VCP: variants seen among roughly 807,000 people sequenced by gnomAD.
The protein encoded by VCP is transitional endoplasmic reticulum ATPase.
VCP carries 6 observed loss-of-function variants against 85.7 expected under a neutral mutation model. The ratio of observed to expected loss-of-function variants is 0.07; its 90% CI spans 0.04 to 0.14. The LOEUF (loss-of-function observed/expected upper bound fraction) is 0.14. VCP is among the 10% of genes least tolerant of loss of function. The pLI is 1.00. For synonymous variants in VCP, 384 were observed against 367.1 expected (o/e 1.05, Z -0.53); for missense variants, 353 against 1,043.4 (o/e 0.34, Z 9.12).
At chr9:35,065,524 C>G in intron 4 of VCP, 143 bp from the exon 5 acceptor site, 1 of 1,084,948 alleles carries the variant, frequency 9.2e-7, no homozygotes. Flanking sequence ...CCAACTCCAC[C>G]CCACCTGTCT....
At position 35,061,630 on chromosome 9, in the gene VCP, G is replaced by T; in HGVS notation, c.1141C>A (p.Leu381Ile). ...IPDATGRLEI[L>I]QIHTKNMKLA... ...TTCATGTTCTTGGTATGGATCTGAA[G>T]AATCTCTAAGCGTCCTGTAGCATCA... The change falls in exon 10 of 17, where the codon CTT becomes ATT. Residue 381 changes from leucine to isoleucine, a missense_variant. Around this residue, in one of 8 missense-constraint regions of VCP, gnomAD observed 30 missense variants for 39.0 expected, o/e 0.77. Transcript: ENST00000358901. 6.2e-7 allele frequency: 1 copy of T among 1,614,180 alleles called. No individual in the cohort carries two copies. The highest frequency in any genetic ancestry group is 8.5e-7 in the Non-Finnish European group (1 of 1,180,040).
Position 35,072,459 on chromosome 9 carries a change from CGAGCAGCG to C in VCP, c.-114_-107del, listed in dbSNP as rs1828979552. The C allele has an allele frequency of 6.9e-5, 92 of 1,329,288 alleles. 2 individuals are homozygous for C. The South Asian group carries it at 1.5e-3, about 22-fold the overall frequency. 82.3% of individuals were successfully genotyped at this position (1,329,288 alleles called of 1,614,324 possible). A position where few individuals can be genotyped will look rare whatever the true frequency, so the allele number is the denominator to read the frequency against. ...GGGCTCGGCTCTTCCAGGCGGTGGG[CGAGCAGCG>C]GCGACAAACCCGCAAGCGGCTTCCC... is the stretch of plus-strand genomic sequence containing the variant. On this transcript the variant is annotated 5_prime_UTR_variant, in exon 1 of 17. Coordinates refer to ENST00000358901, the MANE Select transcript of VCP (RefSeq NM_007126.5).
At chr9:35,057,806 ATAG>A in intron 15 of VCP, 1 of 508,366 alleles carries the variant, frequency 2.0e-6, no homozygotes, top group East Asian at 3.7e-5. Context: ...ACTTTTTGAG[ATAG>A]TAGAAATTTT....
chr9:35,060,624 A>G (rs186433370), intron 12 of VCP, 99 bp from the exon 13 acceptor site: 1,065 of 1,508,754 alleles, frequency 7.1e-4, no homozygotes, highest in Admixed American at 8.6e-4. Flanking sequence ...GGTGTACCCA[A>G]TGGTATCAGA....
chr9:35,057,118 T>G lies in VCP; in HGVS notation c.2420A>C (p.Ter807SerextTer8). The G allele has an allele frequency of 6.2e-7, 1 of 1,614,010 alleles. No individual in the cohort carries two copies. Among genetic ancestry groups the G allele is most frequent in the Non-Finnish European group, 8.5e-7 (1 of 1,179,970 alleles). ...TCACTGCACGCTGGCCACCACCACT[T>G]AGCCATACAGGTCATCATCATTGTC... is the stretch of plus-strand genomic sequence containing the variant. Reference protein sequence around the residue: ...TEDNDDDLYG* With the variant: ...TEDNDDDLYGS Residue 807 changes from the stop codon to serine (S), a stop_lost, in exon 17 of 17, where the codon TAA becomes TCA. Transcript: ENST00000358901.
intron 9 of VCP, 112 bp from the exon 10 acceptor site, chr9:35,061,801 C>T (rs750316105): frequency 4.1e-5 from 57 of 1,385,228 alleles, no homozygotes; most frequent in Non-Finnish European, 5.3e-5. Flanking sequence ...AATGCCAGCA[C>T]TAAAAAAGTC....
intron 2 of VCP, 66 bp downstream of exon 2, chr9:35,068,185 A>G: frequency 1.2e-6 from 2 of 1,608,150 alleles, no homozygotes; most frequent in Non-Finnish European, 1.7e-6. Context: ...AAAATGAGAA[A>G]AGAAACCTGG....
At chr9:35,072,234 C>T (rs1483418508) in intron 1 of VCP, 103 bp downstream of exon 1, 1 of 1,463,524 alleles carries the variant, frequency 6.8e-7, no homozygotes, top group Non-Finnish European at 9.1e-7. Context: ...TTCCTGGTCT[C>T]CACCTCTCTG....
In VCP at chr9:35,072,384, G is replaced by A. The variant is rs896071989; in HGVS notation, c.-31C>T. 2 of 1,474,036 alleles carry A rather than the reference G, an allele frequency of 1.4e-6. No homozygotes were observed. The highest frequency in any genetic ancestry group is 8.9e-7 in the Non-Finnish European group (1 of 1,118,842). 91.3% of individuals were successfully genotyped at this position (1,474,036 alleles called of 1,614,324 possible). A position where few individuals can be genotyped will look rare whatever the true frequency, so the allele number is the denominator to read the frequency against. On this transcript the variant is annotated 5_prime_UTR_variant, in exon 1 of 17. Coordinates refer to ENST00000358901, the MANE Select transcript of VCP (RefSeq NM_007126.5). ...GCGCCTCTCCCGGCCGGCGGCTGTG[G>A]CGGCCCGCGGGTAACGGCTACGAGC...
At chr9:35,066,980 G>A (rs749917537) in intron 3 of VCP, among the ~76,000 whole-genome samples, 163 bp from the exon 4 acceptor site, 6 of 152,208 alleles carry the variant, frequency 3.9e-5, no homozygotes, top group Non-Finnish European at 8.8e-5. Flanking sequence ...TGAGGGCGAA[G>A]GAACAGCCCC....
intron 1 of VCP, 65 bp from the exon 2 acceptor site, chr9:35,068,427 CATACTT>C: frequency 2.9e-6 from 4 of 1,376,232 alleles, no homozygotes; most frequent in Non-Finnish European, 4.2e-6. Flanking sequence ...CTCTAAAACT[CATACTT>C]AGGAAAGAAA....
At position 35,059,441 on chromosome 9, in the gene VCP, A is replaced by G; in HGVS notation, c.2004+52T>C. 2.5e-6 allele frequency: 4 copies of G among 1,607,030 alleles called. No individual in the cohort carries two copies. Among genetic ancestry groups the G allele is most frequent in the Non-Finnish European group, 3.4e-6 (4 of 1,176,476 alleles). On this transcript the variant is annotated intron_variant, in intron 14 of 16. Coordinates refer to ENST00000358901, the MANE Select transcript of VCP (RefSeq NM_007126.5). This position sits in a 1 kb window ranked among gnomAD's most constrained non-coding sequence, Gnocchi z 4.9. ...GTCCAGAAACTAAAGAGCACTCCGT[A>G]CCAGCCTGAGGACTCATGCAAGTCT... is the stretch of plus-strand genomic sequence containing the variant.
At chr9:35,069,718 C>T (rs1006058422) in intron 1 of VCP, among the ~76,000 whole-genome samples, 1 of 152,206 alleles carries the variant, frequency 6.6e-6, no homozygotes, top group Non-Finnish European at 1.5e-5. Context: ...TCCCAAAGTA[C>T]TGGGATTACA....
chr9:35,068,395 C>T (rs1828875460), intron 1 of VCP, 33 bp from the exon 2 acceptor site: 1 of 1,579,190 alleles, frequency 6.3e-7, no homozygotes, highest in South Asian at 1.1e-5. Context: ...GTAGATACTC[C>T]TGCCCCAAGC....
At chr9:35,057,615 G>C in intron 15 of VCP, 85 bp from the exon 16 acceptor site, 2 of 1,567,394 alleles carry the variant, frequency 1.3e-6, no homozygotes, top group Non-Finnish European at 1.7e-6. Context: ...GCAGTTTATT[G>C]GTCTCCTTGC....
chr9:35,062,087 C>G lies in VCP; in HGVS notation c.997G>C (p.Asp333His), dbSNP rs1429025001. The G allele has an allele frequency of 6.2e-7, 1 of 1,614,146 alleles. No homozygotes were observed. Among genetic ancestry groups the G allele is most frequent in the Non-Finnish European group, 8.5e-7 (1 of 1,180,040 alleles). The change falls in exon 9 of 17, where the codon GAT (aspartate) becomes CAT (histidine). Residue 333 changes from aspartate to histidine, a missense_variant. Transcript: ENST00000358901. ...ACATGTGCCCTCTGCTTTAGGCCAT[C>G]CATGAGGGTCAACAACTGTGATACA... ...RIVSQLLTLM[D>H]GLKQRAHVIV...
intron 2 of VCP, 32 bp from the exon 3 acceptor site, chr9:35,068,095 T>C (rs371847371): frequency 2.0e-5 from 33 of 1,613,986 alleles, no homozygotes; most frequent in East Asian, 1.1e-4. Flanking sequence ...CTTTGGGTCA[T>C]TGGGCTGACG....
intron 9 of VCP, 89 bp downstream of exon 9, chr9:35,061,914 G>A: frequency 6.2e-7 from 1 of 1,607,628 alleles, no homozygotes; most frequent in Non-Finnish European, 8.5e-7. Flanking sequence ...CAATCACTGT[G>A]AAGGGCTTCA....
chr9:35,060,968 G>T (rs760756770), intron 11 of VCP, 45 bp from the exon 12 acceptor site: 5 of 1,614,044 alleles, frequency 3.1e-6, no homozygotes, highest in Admixed American at 1.7e-5. Flanking sequence ...TCAAGGGAGG[G>T]GTCAAAGCAC....
Sources: allele counts gnomAD v4.1 joint callset (sites outside exome capture counted in the v4.1 genomes callset), GRCh38; gene constraint gnomAD v4.1.1; regional missense constraint gnomAD v4.1.1; non-coding constraint Gnocchi (gnomAD v3.1); transcripts MANE v1.5; gene names NCBI Gene and HGNC (gene_info 2026-07-23, HGNC 2026-07-21).